The following CEP112 variants were observed in gnomAD, a reference collection of about 807,000 sequenced individuals.
The protein encoded by CEP112 is centrosomal protein 112, also known as centrosomal protein of 112 kDa.
In CEP112, 127 loss-of-function variants were observed where a neutral mutation model predicts 153.0. That is an observed-to-expected ratio of 0.83 (90% CI 0.72 to 0.96). The LOEUF is 0.96. Ranked by LOEUF, CEP112 falls within the 40% of genes least tolerant of loss-of-function variation. CEP112 has a pLI of 0.00. For missense variants in CEP112, 1,089 were observed against 1,101.2 expected (o/e 0.99, Z 0.16); for synonymous variants, 358 against 374.4 (o/e 0.96, Z 0.51).
At chr17:66,164,730 C>T (rs527351284) in intron 4 of CEP112, among the ~76,000 whole-genome samples, 341 of 151,810 alleles carry the variant, frequency 2.2e-3, no homozygotes, top group African/African-American at 8.1e-3. Flanking sequence ...GTGGCAGGCG[C>T]CCGTAATCCC....
chr17:66,060,180 C>G (rs1486282401), intron 11 of CEP112, among the ~76,000 whole-genome samples: 1 of 152,124 alleles, frequency 6.6e-6, no homozygotes, highest in Non-Finnish European at 1.5e-5. Flanking sequence ...CTGTTGGGCA[C>G]TATGCTCACT....
chr17:65,991,189 T>C (rs1010172513), intron 17 of CEP112, among the ~76,000 whole-genome samples: 2 of 152,156 alleles, frequency 1.3e-5, no homozygotes, highest in African/African-American at 2.4e-5. Context: ...TTAACTATAA[T>C]ATAATTCAGC....
At chr17:65,784,160 G>A (rs552304664) in intron 21 of CEP112, among the ~76,000 whole-genome samples, 4 of 152,308 alleles carry the variant, frequency 2.6e-5, no homozygotes, top group East Asian at 1.9e-4. Flanking sequence ...AGGCAAGAGC[G>A]ATCAAAAGGA....
intron 17 of CEP112, among the ~76,000 whole-genome samples, chr17:65,962,310 ATGTCTACCAGAAG>A (rs1295828758): frequency 6.6e-6 from 1 of 152,130 alleles, no homozygotes; most frequent in African/African-American, 2.4e-5. Context: ...AGAAAGATGT[ATGTCTACCAGAAG>A]TTAATCTGCA....
intron 11 of CEP112, among the ~76,000 whole-genome samples, chr17:66,057,157 G>C (rs2066724371): frequency 6.6e-6 from 1 of 152,274 alleles, no homozygotes; most frequent in African/African-American, 2.4e-5. Flanking sequence ...CTGTATTGTG[G>C]GACATGGAAT....
intron 17 of CEP112, among the ~76,000 whole-genome samples, chr17:65,971,455 A>G (rs1026644787): frequency 2.4e-5 from 2 of 84,892 alleles, no homozygotes; most frequent in African/African-American, 7.6e-5. Flanking sequence ...GCATGCATGC[A>G]TATCACACAC....
intron 20 of CEP112, among the ~76,000 whole-genome samples, chr17:65,854,059 C>T (rs1012814484): frequency 1.3e-5 from 2 of 152,204 alleles, no homozygotes; most frequent in Admixed American, 1.3e-4. Context: ...CACTTACTTA[C>T]TGCCACTAAC....
chr17:65,739,076 A>G (rs2050969369), intron 23 of CEP112, among the ~76,000 whole-genome samples: 1 of 152,236 alleles, frequency 6.6e-6, no homozygotes, highest in Admixed American at 6.5e-5. Context: ...TTTCTCTTTG[A>G]CATCAGCTAC....
chr17:65,667,003 G>A (rs1598257838), intron 24 of CEP112, among the ~76,000 whole-genome samples: 1 of 152,254 alleles, frequency 6.6e-6, no homozygotes, highest in Middle Eastern at 3.4e-3. Context: ...TAAGTCAGAG[G>A]AGTATTTGAA....
chr17:65,754,742 G>C (rs1044506609), intron 21 of CEP112, among the ~76,000 whole-genome samples: 5 of 152,234 alleles, frequency 3.3e-5, no homozygotes, highest in African/African-American at 4.8e-5. Context: ...ACCAGGTCCT[G>C]CACGGTGTTG....
At chr17:66,127,701 G>C (rs1568522305) in intron 6 of CEP112, among the ~76,000 whole-genome samples, 1 of 152,066 alleles carries the variant, frequency 6.6e-6, no homozygotes, top group Admixed American at 6.6e-5. Context: ...TCCTCAAACA[G>C]TGTGACTCCA....
At chr17:65,836,796 G>GCTCTCC (rs1215580699) in intron 21 of CEP112, among the ~76,000 whole-genome samples, 2 of 151,892 alleles carry the variant, frequency 1.3e-5, no homozygotes, top group South Asian at 2.1e-4. Context: ...CAAGACATTT[G>GCTCTCC]CTCTCCCTCT....
chr17:66,018,696 A>T (rs2064871788), intron 16 of CEP112, among the ~76,000 whole-genome samples: 1 of 152,236 alleles, frequency 6.6e-6, no homozygotes, highest in African/African-American at 2.4e-5. Flanking sequence ...ATGATTTAAA[A>T]AGCGTGCATG....
intron 21 of CEP112, among the ~76,000 whole-genome samples, chr17:65,809,422 G>T (rs1345065628): frequency 6.6e-6 from 1 of 152,174 alleles, no homozygotes; most frequent in Non-Finnish European, 1.5e-5. Flanking sequence ...GGAGGAAGTA[G>T]GTATGAAAAT....
At chr17:66,093,553 T>C (rs1354295275) in intron 8 of CEP112, among the ~76,000 whole-genome samples, 1 of 148,370 alleles carries the variant, frequency 6.7e-6, no homozygotes, top group Admixed American at 6.7e-5. Context: ...CTATACAAAA[T>C]CAAGAAAACA....
intron 17 of CEP112, among the ~76,000 whole-genome samples, chr17:65,994,942 T>C (rs2063729082): frequency 6.6e-6 from 1 of 152,084 alleles, no homozygotes; most frequent in African/African-American, 2.4e-5. Flanking sequence ...GGCTCCACCA[T>C]CAACCCCTGA....
chr17:65,742,743 C>T (rs572402367), intron 23 of CEP112, among the ~76,000 whole-genome samples: 1 of 147,546 alleles, frequency 6.8e-6, no homozygotes, highest in East Asian at 2.0e-4. Context: ...GCCAGCAGTG[C>T]TGGGCTCAAA....
chr17:65,782,476 ATCCCATTAC>A (rs963390840), intron 21 of CEP112, among the ~76,000 whole-genome samples: 8 of 152,234 alleles, frequency 5.3e-5, no homozygotes, highest in Non-Finnish European at 1.0e-4. Context: ...TGACCCAGCA[ATCCCATTAC>A]TGGGTATACA....
intron 24 of CEP112, among the ~76,000 whole-genome samples, chr17:65,647,599 C>T (rs1202200100): frequency 6.6e-6 from 1 of 151,712 alleles, no homozygotes; most frequent in African/African-American, 2.4e-5. Flanking sequence ...GCCTCAGCCT[C>T]CCGAGTAGCT....
Sources: gnomAD v4.1 joint callset for allele counts (sites outside exome capture counted in the v4.1 genomes callset) on GRCh38, gnomAD v4.1.1 for gene constraint, MANE v1.5 for transcripts, NCBI Gene and HGNC (gene_info 2026-07-23, HGNC 2026-07-21) for gene names.